Variants in SHISA6 observed in about 807,000 individuals in gnomAD.
The protein encoded by SHISA6 is shisa family member 6.
SHISA6 carries 22 observed loss-of-function variants against 47.9 expected under a neutral mutation model. The ratio of observed to expected loss-of-function variants is 0.46; its 90% CI spans 0.33 to 0.66. SHISA6 has a LOEUF of 0.66. Ranked by LOEUF, SHISA6 falls within the 30% of genes least tolerant of loss-of-function variation. The pLI is 0.02. For missense variants in SHISA6, 680 were observed against 764.6 expected (o/e 0.89, Z 1.30); for synonymous variants, 388 against 337.8 (o/e 1.15, Z -1.63).
intron 3 of SHISA6, among the ~76,000 whole-genome samples, chr17:11,388,853 TAA>T (rs536099984): frequency 1.2e-5 from 1 of 82,400 alleles, no homozygotes. Flanking sequence ...TTAAAAAAGG[TAA>T]AAAAAAAAAA....
intron 3 of SHISA6, among the ~76,000 whole-genome samples, chr17:11,520,838 T>C (rs1261181140): frequency 1.3e-5 from 2 of 152,226 alleles, no homozygotes; most frequent in African/African-American, 4.8e-5. Flanking sequence ...TTATGTCTAA[T>C]TGTCATCTTT....
In SHISA6 at chr17:11,398,257, T is replaced by C. The variant is rs1168817205; in HGVS notation, c.895+18748T>C. Among the ~76,000 whole-genome samples the C allele has an allele frequency of 2.6e-5, 4 of 152,206 alleles. No individual in the cohort carries two copies. The East Asian group carries it at 7.7e-4, about 29-fold the overall frequency. On this transcript the variant is annotated intron_variant, in intron 3 of 5. Coordinates refer to ENST00000441885, the MANE Select transcript of SHISA6 (RefSeq NM_207386.4). Reference sequence around the variant, plus strand: ...TTTATAGCTGTATATACTATTCGTATTTTAAAAAGGCATCCTCTTCTATTA... The same window carrying C: ...TTTATAGCTGTATATACTATTCGTACTTTAAAAAGGCATCCTCTTCTATTA...
intron 3 of SHISA6, among the ~76,000 whole-genome samples, chr17:11,545,133 C>G (rs2071873081): frequency 6.9e-6 from 1 of 145,510 alleles, no homozygotes; most frequent in South Asian, 2.3e-4. Context: ...ACCCATATGC[C>G]TTTCAACAGG....
chr17:11,310,924 T>C (rs1163105917), intron 2 of SHISA6, among the ~76,000 whole-genome samples: 2 of 151,852 alleles, frequency 1.3e-5, no homozygotes, highest in South Asian at 2.1e-4. Context: ...CTGGCTAACG[T>C]GGTGAAACCC....
At chr17:11,291,050 T>A (rs1909521137) in intron 2 of SHISA6, among the ~76,000 whole-genome samples, 2 of 151,820 alleles carry the variant, frequency 1.3e-5, no homozygotes, top group Admixed American at 1.3e-4. Context: ...TAATAATAAA[T>A]TATTTATTCT....
intron 1 of SHISA6, among the ~76,000 whole-genome samples, chr17:11,249,581 C>T (rs562025791): frequency 6.6e-6 from 1 of 152,282 alleles, no homozygotes; most frequent in African/African-American, 2.4e-5. Flanking sequence ...CCTGGTTGTA[C>T]ATACCTTAAT....
chr17:11,440,423 G>C (rs1321405549), intron 3 of SHISA6, among the ~76,000 whole-genome samples: 1 of 151,816 alleles, frequency 6.6e-6, no homozygotes, highest in African/African-American at 2.4e-5. Flanking sequence ...CTTTGACCTT[G>C]CTCCTCCATG....
intron 2 of SHISA6, among the ~76,000 whole-genome samples, chr17:11,334,032 T>C (rs1223118446): frequency 2.0e-5 from 3 of 152,330 alleles, no homozygotes; most frequent in East Asian, 1.9e-4. Context: ...GGTTTTCTCC[T>C]TTATGATAAA....
chr17:11,281,738 C>T (rs9906568), intron 2 of SHISA6, among the ~76,000 whole-genome samples: 45,836 of 151,880 alleles, frequency 0.3, 7,221 homozygotes, highest in Middle Eastern at 0.35. Flanking sequence ...GGCATCAATG[C>T]CTAGAATTTT....
intron 3 of SHISA6, among the ~76,000 whole-genome samples, chr17:11,538,264 A>C (rs941925474): frequency 6.6e-6 from 1 of 152,100 alleles, no homozygotes; most frequent in Non-Finnish European, 1.5e-5. Context: ...GGGTTTCACC[A>C]TGTTGGCCAG....
At position 11,557,889 on chromosome 17, in the gene SHISA6, T is replaced by C; in HGVS notation, c.1241T>C (p.Ile414Thr). ...CCAAGGGAACGACCCCGCCGGCCCA[T>C]CCGGGCCATGTCCCAGGACAGGGTC... ...PLPRERPRRP[I>T]RAMSQDRVLS... Residue 414 changes from isoleucine (I) to threonine (T), a missense_variant, in exon 6 of 6, where the codon ATC (isoleucine) becomes ACC (threonine). Transcript: ENST00000441885. 1 of 1,551,524 alleles carries C rather than the reference T, an allele frequency of 6.4e-7. No individual in the cohort carries two copies. The highest frequency in any genetic ancestry group is 1.2e-5 in the South Asian group (1 of 84,062).
chr17:11,337,004 G>A (rs1911343893), intron 2 of SHISA6, among the ~76,000 whole-genome samples: 1 of 152,194 alleles, frequency 6.6e-6, no homozygotes, highest in Admixed American at 6.5e-5. Context: ...AGACAAGGAG[G>A]AGTGGGATGT....
Position 11,528,981 on chromosome 17 carries a change from G to A in SHISA6, c.896-22915G>A, listed in dbSNP as rs78333361. Among the ~76,000 whole-genome samples, 7 of 151,874 alleles carry A rather than the reference G, an allele frequency of 4.6e-5. No individual in the cohort carries two copies. In the South Asian group the frequency reaches 8.3e-4, roughly 18 times the overall value. ...GCCGAGGCAGGCAGATCACGAGGTCGGGAGTTCGAGACCAGTCTGGCCAAC... is the reference window on the plus strand; with the variant it reads ...GCCGAGGCAGGCAGATCACGAGGTCAGGAGTTCGAGACCAGTCTGGCCAAC... On this transcript the variant is annotated intron_variant, in intron 3 of 5. Coordinates refer to ENST00000441885, the MANE Select transcript of SHISA6 (RefSeq NM_207386.4).
intron 2 of SHISA6, among the ~76,000 whole-genome samples, chr17:11,310,115 A>G (rs991038600): frequency 2.6e-5 from 4 of 152,200 alleles, no homozygotes; most frequent in Admixed American, 2.0e-4. Flanking sequence ...GTTATACCAC[A>G]GAAGATGGGG....
At position 11,449,222 on chromosome 17, in the gene SHISA6, G is replaced by T. The variant is rs1404643177; in HGVS notation, c.895+69713G>T. Among the ~76,000 whole-genome samples the T allele has an allele frequency of 3.9e-5, 6 of 152,056 alleles. No individual in the cohort carries two copies. The South Asian group carries it at 8.3e-4, about 21-fold the overall frequency. On this transcript the variant is annotated intron_variant, in intron 3 of 5. Transcript: ENST00000441885. ...TTTGAGAGGCCCAGGCAGGCACACTGCCCGAGCTCAGGAGTTCGAGACCAG... is the reference window on the plus strand; with the variant it reads ...TTTGAGAGGCCCAGGCAGGCACACTTCCCGAGCTCAGGAGTTCGAGACCAG...
At chr17:11,523,771 C>T (rs964487101) in intron 3 of SHISA6, among the ~76,000 whole-genome samples, 8 of 151,996 alleles carry the variant, frequency 5.3e-5, no homozygotes, top group South Asian at 2.1e-4. Context: ...TTTGGGAGGC[C>T]GAGGTGGGCA....
At chr17:11,250,828 A>G (rs1274623690) in intron 1 of SHISA6, among the ~76,000 whole-genome samples, 2 of 151,994 alleles carry the variant, frequency 1.3e-5, no homozygotes, top group South Asian at 2.1e-4. Flanking sequence ...ATGCAAGCCC[A>G]CAAGCCAGAG....
At chr17:11,533,518 C>G (rs1053500888) in intron 3 of SHISA6, among the ~76,000 whole-genome samples, 1 of 151,948 alleles carries the variant, frequency 6.6e-6, no homozygotes, top group African/African-American at 2.4e-5. Flanking sequence ...CTCTCCCCAC[C>G]GTCCAAAATC....
At chr17:11,279,866 A>G (rs1314531552) in intron 2 of SHISA6, among the ~76,000 whole-genome samples, 2 of 152,118 alleles carry the variant, frequency 1.3e-5, no homozygotes, top group Non-Finnish European at 2.9e-5. Flanking sequence ...TTCAGTTTTC[A>G]TTAGCAGGCT....
Sources: allele counts gnomAD v4.1 joint callset (sites outside exome capture counted in the v4.1 genomes callset), GRCh38; gene constraint gnomAD v4.1.1; transcripts MANE v1.5; gene names NCBI Gene and HGNC (gene_info 2026-07-23, HGNC 2026-07-21).